ENG: variants seen among roughly 807,000 people sequenced by gnomAD.
ENG encodes the protein endoglin, also known as CD105 antigen.
ENG carries 17 observed loss-of-function variants against 71.0 expected under a neutral mutation model. That is an observed-to-expected ratio of 0.24 (90% CI 0.16 to 0.36). ENG has a LOEUF of 0.36. Among genes scored for constraint, ENG ranks in the 10% least tolerant of loss-of-function variants. ENG has a pLI of 1.00. For missense variants in ENG, 749 were observed against 868.3 expected (o/e 0.86, Z 1.73); for synonymous variants, 360 against 366.9 (o/e 0.98, Z 0.21).
chr9:127,820,755 G>A (rs2131880412), intron 8 of ENG, among the ~76,000 whole-genome samples: 1 of 151,794 alleles, frequency 6.6e-6, no homozygotes, highest in South Asian at 2.1e-4. Flanking sequence ...CGTGAGCCCG[G>A]GAGGCGGAGT....
intron 12 of ENG, 40 bp from the exon 13 acceptor site, chr9:127,817,243 A>G (rs759251919): frequency 2.5e-6 from 4 of 1,611,516 alleles, no homozygotes; most frequent in Non-Finnish European, 3.4e-6. Context: ...CACCTTTGGG[A>G]GGCGGCTTCC....
intron 2 of ENG, among the ~76,000 whole-genome samples, chr9:127,834,990 A>C (rs780464928): frequency 6.6e-6 from 1 of 151,566 alleles, no homozygotes; most frequent in Non-Finnish European, 1.5e-5. Flanking sequence ...GTTTTGAATA[A>C]AATATATATA....
chr9:127,815,870 A>T, intron 14 of ENG, 64 bp from the exon 15 acceptor site: 1 of 1,558,284 alleles, frequency 6.4e-7, no homozygotes, highest in Non-Finnish European at 8.7e-7. Context: ...TCAATCCCTC[A>T]GAGGCTTCAC....
In ENG at chr9:127,815,944, C is replaced by T. The variant is rs747344646; in HGVS notation, c.1851G>A (p.Thr617=). ...TAALWYIYSH[T]RSPSKREPVV... is the part of the protein sequence containing the mutation. The stretch of plus-strand genomic sequence containing the variant: ...ACTGTGGGGGCCTGGGGTACTCACG[C>T]GTGTGCGAGTAGATGTACCAGAGTG... The change falls in exon 14 of 15, where the codon ACG becomes ACA. Residue 617 remains threonine (T), a splice_region_variant and synonymous_variant. Transcript: ENST00000373203. 2.3e-5 allele frequency: 36 copies of T among 1,595,614 alleles called. No homozygotes were observed. In the Middle Eastern group the frequency reaches 5.0e-4, roughly 22 times the overall value.
intron 2 of ENG, among the ~76,000 whole-genome samples, chr9:127,830,252 G>T (rs1830733039): frequency 6.7e-6 from 1 of 148,880 alleles, no homozygotes; most frequent in Non-Finnish European, 1.5e-5. Flanking sequence ...TGAGACACAA[G>T]AATTGCTTGA....
Position 127,843,232 on chromosome 9 carries a change from T to C in ENG, c.81A>G (p.Thr27=), listed in dbSNP as rs1329911838. The C allele has an allele frequency of 2.5e-6, 4 of 1,614,098 alleles. No individual in the cohort carries two copies. Reference sequence around the variant, plus strand: ...CCACAGGCTGAAGGTCACAATGGACTGTTTCTGCAAGACCTGTTGGAGAAA... The same window carrying C: ...CCACAGGCTGAAGGTCACAATGGACCGTTTCTGCAAGACCTGTTGGAGAAA... The part of the protein sequence containing the change: ...CSLSPTSLAE[T]VHCDLQPVGP... Residue 27 remains threonine (T), a synonymous_variant, in exon 2 of 15, where the codon ACA becomes ACG. Coordinates refer to ENST00000373203, the MANE Select transcript of ENG (RefSeq NM_001114753.3).
intron 1 of ENG, among the ~76,000 whole-genome samples, chr9:127,848,515 C>T (rs370348919): frequency 8.5e-5 from 13 of 152,258 alleles, no homozygotes; most frequent in African/African-American, 1.9e-4. Context: ...AATGCCTGGC[C>T]GCAAGTGATC....
chr9:127,839,658 C>A (rs578097126), intron 2 of ENG, among the ~76,000 whole-genome samples: 1 of 152,138 alleles, frequency 6.6e-6, no homozygotes, highest in Non-Finnish European at 1.5e-5. Context: ...CGGGTTCAAA[C>A]GATTCTCTTG....
intron 13 of ENG, 135 bp downstream of exon 13, chr9:127,817,014 C>T: frequency 1.0e-6 from 1 of 990,882 alleles, no homozygotes; most frequent in Middle Eastern, 2.7e-4. Context: ...CCTCCTCCTG[C>T]CCCTTCTGGG....
intron 1 of ENG, among the ~76,000 whole-genome samples, chr9:127,853,704 G>T (rs1276335184): frequency 1.3e-5 from 2 of 152,214 alleles, no homozygotes; most frequent in Non-Finnish European, 2.9e-5. Flanking sequence ...GGAACTTAAA[G>T]CTAAAAATAA....
At chr9:127,825,887 C>G (rs368934450) in intron 4 of ENG, 27 bp from the exon 5 acceptor site, 32 of 1,563,858 alleles carry the variant, frequency 2.0e-5, no homozygotes, top group Non-Finnish European at 2.7e-5. Context: ...ACCTCAGTCC[C>G]TTCCCTCAGC....
At chr9:127,825,636 G>T (rs1340886755) in intron 5 of ENG, 59 bp downstream of exon 5, 7 of 1,338,964 alleles carry the variant, frequency 5.2e-6, no homozygotes, top group Non-Finnish European at 5.9e-6. Context: ...GGCGGGGGGG[G>T]TCAGGGGGGT....
chr9:127,843,264 G>T lies in ENG; in HGVS notation c.68-19C>A. On this transcript the variant is annotated intron_variant, in intron 1 of 14. Coordinates refer to ENST00000373203, the MANE Select transcript of ENG (RefSeq NM_001114753.3). ...GCAAGACCTGTTGGAGAAACATCCG[G>T]AAAGAGGCCAGGTGAGAATAAGGTG... 3 of 1,614,116 alleles carry T rather than the reference G, an allele frequency of 1.9e-6. No homozygotes were observed. The highest frequency in any genetic ancestry group is 2.5e-6 in the Non-Finnish European group (3 of 1,180,036).
intron 11 of ENG, 153 bp from the exon 12 acceptor site, chr9:127,818,530 G>A: frequency 6.9e-7 from 1 of 1,441,450 alleles, no homozygotes; most frequent in South Asian, 1.2e-5. Flanking sequence ...AGAGGAGGAG[G>A]ACAGGGCCAC....
At position 127,815,922 on chromosome 9, in the gene ENG, G is replaced by A. The variant is rs147188969; in HGVS notation, c.1852+21C>T. ...GATGGAGGGGCCCGGCATGCTCACTGTGGGGGCCTGGGGTACTCACGCGTG... is the reference window on the plus strand; with the variant it reads ...GATGGAGGGGCCCGGCATGCTCACTATGGGGGCCTGGGGTACTCACGCGTG... On this transcript the variant is annotated intron_variant, in intron 14 of 14. Coordinates refer to ENST00000373203, the MANE Select transcript of ENG (RefSeq NM_001114753.3). The A allele has an allele frequency of 6.3e-7, 1 of 1,587,608 alleles. No individual in the cohort carries two copies.
chr9:127,849,229 C>A (rs1345215413), intron 1 of ENG, among the ~76,000 whole-genome samples: 1 of 152,210 alleles, frequency 6.6e-6, no homozygotes, highest in African/African-American at 2.4e-5. Context: ...GGGCTACCTG[C>A]GTCAGGAGTA....
chr9:127,825,174 C>A, intron 6 of ENG, 57 bp downstream of exon 6: 1 of 1,613,006 alleles, frequency 6.2e-7, no homozygotes, highest in African/African-American at 1.3e-5. Flanking sequence ...AGGAAACTTC[C>A]CTGATCCAGA....
intron 1 of ENG, 109 bp downstream of exon 1, chr9:127,854,180 G>A: frequency 8.7e-7 from 1 of 1,151,698 alleles, no homozygotes; most frequent in South Asian, 1.4e-5. Context: ...CCCCAAGGAT[G>A]GCTCTGCTGG....
intron 2 of ENG, among the ~76,000 whole-genome samples, chr9:127,842,297 G>A (rs1415091441): frequency 6.6e-6 from 1 of 151,158 alleles, no homozygotes; most frequent in African/African-American, 2.4e-5. Context: ...TGCAATGTTG[G>A]CTCACTGCAA....
Sources: allele counts gnomAD v4.1 joint callset (sites outside exome capture counted in the v4.1 genomes callset), GRCh38; gene constraint gnomAD v4.1.1; transcripts MANE v1.5; gene names NCBI Gene and HGNC (gene_info 2026-07-23, HGNC 2026-07-21).